The following MYL6 variants were observed in gnomAD, a reference collection of about 807,000 sequenced individuals.
MYL6 encodes the protein myosin light chain 6.
MYL6 carries 20 observed loss-of-function variants against 20.3 expected under a neutral mutation model. That is an observed-to-expected ratio of 0.98 (90% CI 0.69 to 1.43). The LOEUF is 1.43. MYL6 is among the 40% of genes most tolerant of loss of function. MYL6 has a pLI of 0.00. For missense variants in MYL6, 164 were observed against 191.0 expected (o/e 0.86, Z 0.83); for synonymous variants, 77 against 72.4 (o/e 1.06, Z -0.32).
chr12:56,159,591 C>G lies in MYL6; in HGVS notation c.36C>G (p.Phe12Leu). The change falls in exon 3 of 7, where the codon TTC becomes TTG. Residue 12 changes from phenylalanine (F) to leucine (L), a missense_variant. By Grantham distance (22) the Phe-to-Leu change is conservative. Coordinates refer to ENST00000550697, the MANE Select transcript of MYL6 (RefSeq NM_021019.5). The part of the protein sequence containing the change: ...CDFTEDQTAE[F>L]KEAFQLFDRT... ...GACATTCATCTGAATCCTCAGAGTT[C>G]AAGGAGGCCTTCCAGCTGTTTGACC... is the stretch of plus-strand genomic sequence containing the variant. 1 of 1,613,194 alleles carries G rather than the reference C, an allele frequency of 6.2e-7. No homozygotes were observed. The highest frequency in any genetic ancestry group is 8.5e-7 in the Non-Finnish European group (1 of 1,179,774).
At chr12:56,158,978 T>C in intron 2 of MYL6, 1 of 1,374,700 alleles carries the variant, frequency 7.3e-7, no homozygotes, top group Non-Finnish European at 9.4e-7. Context: ...GCCTGCTGTG[T>C]GTGGGGTCTC....
At position 56,160,269 on chromosome 12, in the gene MYL6, G is replaced by A. The variant is rs1050699; in HGVS notation, c.376G>A (p.Glu126Lys). The change falls in exon 5 of 7, where the codon GAG becomes AAG. Residue 126 changes from glutamate to lysine, a missense_variant. Transcript: ENST00000550697. ...TGAGAAGATGACAGAGGAAGAAGTA[G>A]AGATGCTGGTGGCAGGGCATGAGGA... Reference protein sequence around the residue: ...LGEKMTEEEVEMLVAGHEDSN... With the variant: ...LGEKMTEEEVKMLVAGHEDSN... 1.2e-6 allele frequency: 2 copies of A among 1,614,256 alleles called. No homozygotes were observed. Among genetic ancestry groups the A allele is most frequent in the Non-Finnish European group, 1.7e-6 (2 of 1,180,054 alleles).
At chr12:56,159,849 T>C (rs367892847) in intron 3 of MYL6, 119 bp downstream of exon 3, 2 of 1,524,172 alleles carry the variant, frequency 1.3e-6, no homozygotes, top group African/African-American at 2.8e-5. Flanking sequence ...GCAAATCCCA[T>C]GGATTTCCTT....
At chr12:56,160,468 G>C in intron 5 of MYL6, 148 bp downstream of exon 5, 1 of 1,413,772 alleles carries the variant, frequency 7.1e-7, no homozygotes, top group East Asian at 2.3e-5. Flanking sequence ...GCCCAGGAGT[G>C]GGAGGTCAGG....
chr12:56,161,006 G>A (rs1397185405), intron 6 of MYL6: 4 of 560,024 alleles, frequency 7.1e-6, no homozygotes, highest in South Asian at 2.2e-5. Context: ...GGTATGGGTT[G>A]CCTGCCCCAT....
Position 56,160,001 on chromosome 12 carries a change from G to C in MYL6, c.202G>C (p.Glu68Gln). Residue 68 changes from glutamate (E) to glutamine (Q), a missense_variant, in exon 4 of 7, where the codon GAG becomes CAG. Glu to Gln is a conservative substitution (Grantham distance 29). Transcript: ENST00000550697. ...DEMNVKVLDF[E>Q]HFLPMLQTVA... is the part of the protein sequence containing the mutation. ...GATGAATGTGAAGGTGCTGGACTTT[G>C]AGCACTTTCTGCCCATGCTGCAGAC... The C allele has an allele frequency of 1.9e-6, 3 of 1,613,612 alleles. No individual in the cohort carries two copies. Among genetic ancestry groups the C allele is most frequent in the Non-Finnish European group, 2.5e-6 (3 of 1,179,818 alleles).
chr12:56,158,650 T>G, intron 1 of MYL6, 34 bp from the exon 2 acceptor site: 1 of 1,614,034 alleles, frequency 6.2e-7, no homozygotes, highest in Non-Finnish European at 8.5e-7. Context: ...GGATTGGCGT[T>G]CAGATGCTGA....
At chr12:56,160,985 TG>T (rs1425330759) in intron 6 of MYL6, 3 of 565,402 alleles carry the variant, frequency 5.3e-6, no homozygotes, top group Non-Finnish European at 9.5e-6. Flanking sequence ...CATGGGTAGC[TG>T]GCATAGAGGG....
At chr12:56,160,960 C>T (rs537971509) in intron 6 of MYL6, 2 of 572,078 alleles carry the variant, frequency 3.5e-6, no homozygotes, top group Admixed American at 3.1e-5. Context: ...TTAGGGTGAC[C>T]TTCTGGCCCT....
rs371620700 is a variant in MYL6 at position 56,161,268 on chromosome 12, G to A, written c.*17-119G>A. 990 of 1,210,690 alleles carry A rather than the reference G, an allele frequency of 8.2e-4. 15 individuals carry two copies. The South Asian group carries it at 0.011, about 13-fold the overall frequency. 75.0% of individuals were successfully genotyped at this position (1,210,690 alleles called of 1,614,324 possible). A position where few individuals can be genotyped will look rare whatever the true frequency, so the allele number is the denominator to read the frequency against. ...GGCTCCTCTGCAAACTGACCCCAGG[G>A]TTGGTTGCTGTGGGCATGTTCCCGC... On this transcript the variant is annotated intron_variant, in intron 6 of 6. Transcript: ENST00000550697.
intron 1 of MYL6, 72 bp from the exon 2 acceptor site, chr12:56,158,612 G>T: frequency 6.2e-7 from 1 of 1,614,104 alleles, no homozygotes; most frequent in Non-Finnish European, 8.5e-7. Flanking sequence ...GTGGGTCAGA[G>T]TTTGTGGGGC....
In MYL6 at chr12:56,161,427, G is replaced by A; in HGVS notation, c.*57G>A. ...TGCTGAATGGCTGAGGACCTTCCCA[G>A]TCTCCCCAGAGTCCGTGCCTTTCCC... On this transcript the variant is annotated 3_prime_UTR_variant, in exon 7 of 7. Coordinates refer to ENST00000550697, the MANE Select transcript of MYL6 (RefSeq NM_021019.5). 2 of 1,614,112 alleles carry A rather than the reference G, an allele frequency of 1.2e-6. No individual in the cohort carries two copies. The highest frequency in any genetic ancestry group is 1.7e-6 in the Non-Finnish European group (2 of 1,180,010).
chr12:56,161,250 C>T lies in MYL6; in HGVS notation c.*17-137C>T, dbSNP rs1337655481. On this transcript the variant is annotated intron_variant, in intron 6 of 6. Coordinates refer to ENST00000550697, the MANE Select transcript of MYL6 (RefSeq NM_021019.5). ...ACTGGTCAGACTCAAGGTGGCTCCT[C>T]TGCAAACTGACCCCAGGGTTGGTTG... 2.9e-6 allele frequency: 3 copies of T among 1,025,822 alleles called. No individual in the cohort carries two copies. In the Admixed American group the frequency reaches 5.2e-5, roughly 18 times the overall value. 63.5% of individuals were successfully genotyped at this position (1,025,822 alleles called of 1,614,324 possible).
chr12:56,161,528 GGAT>G lies in MYL6; in HGVS notation c.*163_*165del, dbSNP rs1159412310. The G allele has an allele frequency of 7.5e-6, 10 of 1,331,172 alleles. No individual in the cohort carries two copies. Among genetic ancestry groups the G allele is most frequent in the African/African-American group, 7.2e-5 (5 of 68,966 alleles). The allele number at this position is 1,331,172 out of a possible 1,614,324, so 82.5% of individuals were successfully genotyped here. ...GCAACTTTCCCATCTTGTCTCTCTT[GGAT>G]GATGTTTGCCGTCAGCATTCACCAA... is the stretch of plus-strand genomic sequence containing the variant. On this transcript the variant is annotated 3_prime_UTR_variant, in exon 7 of 7. Transcript: ENST00000550697.
Position 56,160,118 on chromosome 12 carries a change from G to A in MYL6, c.319G>A (p.Ala107Thr), listed in dbSNP as rs1871639443. The change falls in exon 4 of 7, where the codon GCT (alanine) becomes ACT (threonine). Residue 107 changes from alanine to threonine, a missense_variant. Coordinates refer to ENST00000550697, the MANE Select transcript of MYL6 (RefSeq NM_021019.5). The part of the protein sequence containing the change: ...DKEGNGTVMG[A>T]EIRHVLVTLG... ...GGAAGGAAATGGCACCGTCATGGGT[G>A]CTGAAATCCGGCATGTTCTTGTCAC... 2.5e-6 allele frequency: 4 copies of A among 1,614,170 alleles called. No homozygotes were observed. Among genetic ancestry groups the A allele is most frequent in the Non-Finnish European group, 3.4e-6 (4 of 1,180,016 alleles).
At chr12:56,159,050 T>C in intron 2 of MYL6, 1 of 771,590 alleles carries the variant, frequency 1.3e-6, no homozygotes, top group Non-Finnish European at 1.8e-6. Context: ...CTGCCTCTTT[T>C]CTCCTCTTGT....
intron 2 of MYL6, chr12:56,159,162 T>A: frequency 3.3e-6 from 1 of 301,948 alleles, no homozygotes; most frequent in Non-Finnish European, 6.2e-6. Flanking sequence ...TTGCTAAGGA[T>A]ATGACTGTAG....
At chr12:56,160,960 CT>C (rs1330624886) in intron 6 of MYL6, 1 of 572,080 alleles carries the variant, frequency 1.7e-6, no homozygotes, top group Non-Finnish European at 3.1e-6. Flanking sequence ...TTAGGGTGAC[CT>C]TCTGGCCCTG....
At position 56,161,373 on chromosome 12, in the gene MYL6, T is replaced by A. The variant is rs751293928; in HGVS notation, c.*17-14T>A. On this transcript the variant is annotated splice_polypyrimidine_tract_variant and intron_variant, in intron 6 of 6. Coordinates refer to ENST00000550697, the MANE Select transcript of MYL6 (RefSeq NM_021019.5). ...GCCCTGTTCCCTGGCTCATCCCACCTTTCCTTTCCACAGAGCTCGTCCGCA... is the reference window on the plus strand; with the variant it reads ...GCCCTGTTCCCTGGCTCATCCCACCATTCCTTTCCACAGAGCTCGTCCGCA... 6.2e-7 allele frequency: 1 copy of A among 1,614,150 alleles called. No individual in the cohort carries two copies. Among genetic ancestry groups the A allele is most frequent in the East Asian group, 2.2e-5 (1 of 44,886 alleles).
Sources: allele counts gnomAD v4.1 joint callset, GRCh38; gene constraint gnomAD v4.1.1; transcripts MANE v1.5; gene names NCBI Gene and HGNC (gene_info 2026-07-23, HGNC 2026-07-21).